MADD: variants seen among roughly 807,000 people sequenced by gnomAD.
MADD encodes MAP kinase activating death domain.
Under a neutral mutation model 176.7 loss-of-function variants are expected in MADD, and 109 were observed. The observed-to-expected ratio is 0.62, with a 90% confidence interval of 0.53 to 0.72. The LOEUF (loss-of-function observed/expected upper bound fraction) is 0.72. Ranked by LOEUF, MADD falls within the 30% of genes least tolerant of loss-of-function variation. MADD has a pLI of 0.00. For missense variants in MADD, 1,914 were observed against 2,045.5 expected (o/e 0.94, Z 1.24); for synonymous variants, 771 against 771.3 (o/e 1.00, Z 0.01).
At chr11:47,282,436 C>T (rs1303989264) in exon 9 of MADD, 1 of 1,614,204 alleles carries the variant, frequency 6.2e-7, no homozygotes, top group Non-Finnish European at 8.5e-7. Context: ...ATTTCAGATG[C>T]ACACGCGTAC....
intron 20 of MADD, among the ~76,000 whole-genome samples, chr11:47,294,413 C>T (rs1160210410): frequency 6.6e-6 from 1 of 150,818 alleles, no homozygotes; most frequent in Non-Finnish European, 1.5e-5. Context: ...CCTGTAATCA[C>T]AGGACTTTGG....
exon 13 of MADD, chr11:47,285,021 T>C (rs577791016): frequency 6.2e-7 from 1 of 1,614,116 alleles, no homozygotes; most frequent in South Asian, 1.1e-5. Flanking sequence ...CTCCCAGCAT[T>C]GGCAAATCGA....
chr11:47,298,218 T>C (rs1044575538), intron 22 of MADD, among the ~76,000 whole-genome samples: 9 of 152,210 alleles, frequency 5.9e-5, no homozygotes, highest in Non-Finnish European at 1.3e-4. Flanking sequence ...AAGGATGACA[T>C]TTGTGGTGGA....
In MADD at chr11:47,275,884, C is replaced by T; in HGVS notation, c.660-15C>T. ...CTGATGCTAATGTGTCTGATTCCTG[C>T]TGTCTGCTTCTCAGGGACACCATGT... On this transcript the variant is annotated splice_polypyrimidine_tract_variant and intron_variant, in intron 3 of 32. Transcript: ENST00000402192. 6.3e-7 allele frequency: 1 copy of T among 1,594,604 alleles called. No individual in the cohort carries two copies. The highest frequency in any genetic ancestry group is 8.6e-7 in the Non-Finnish European group (1 of 1,166,116).
At chr11:47,328,210 A>C in intron 31 of MADD, 1 of 1,068,400 alleles carries the variant, frequency 9.4e-7, no homozygotes, top group Non-Finnish European at 1.1e-6. Flanking sequence ...ACATGACCCA[A>C]TTTTCAGGCT....
exon 27 of MADD, chr11:47,315,322 A>T: frequency 1.2e-6 from 2 of 1,608,792 alleles, no homozygotes; most frequent in South Asian, 2.2e-5. Context: ...TATCTTTTTC[A>T]TGGAGGTAGG....
exon 18 of MADD, chr11:47,290,159 G>A (rs746871662): frequency 1.1e-5 from 17 of 1,613,998 alleles, no homozygotes; most frequent in East Asian, 8.9e-5. Context: ...GAGATCAGTC[G>A]GAAGGTGTAC....
At chr11:47,326,479 C>T (rs1385875602) in intron 30 of MADD, 65 bp from the exon 34 acceptor site, 9 of 1,276,728 alleles carry the variant, frequency 7.0e-6, no homozygotes, top group East Asian at 3.1e-5. Flanking sequence ...GCAGGGCCTT[C>T]GGGTTGGGTT....
At chr11:47,311,941 T>A in intron 26 of MADD, 99 bp downstream of exon 29, 1 of 684,186 alleles carries the variant, frequency 1.5e-6, no homozygotes, top group African/African-American at 1.8e-5. Flanking sequence ...ATGGAGCAGT[T>A]GTCTTTGACT....
intron 19 of MADD, among the ~76,000 whole-genome samples, chr11:47,291,207 T>G (rs890519190): frequency 6.6e-6 from 1 of 152,190 alleles, no homozygotes; most frequent in African/African-American, 2.4e-5. Flanking sequence ...CATTTGTGTC[T>G]CTGAAGCCAG....
chr11:47,278,215 C>T (rs1168628095), exon 6 of MADD: 1 of 1,614,126 alleles, frequency 6.2e-7, no homozygotes, highest in Non-Finnish European at 8.5e-7. Context: ...CCAGCTTCTT[C>T]CTCTACAAAC....
chr11:47,307,319 C>A (rs1410403111), intron 22 of MADD, among the ~76,000 whole-genome samples: 1 of 152,174 alleles, frequency 6.6e-6, no homozygotes, highest in Non-Finnish European at 1.5e-5. Flanking sequence ...GGAAGCCATT[C>A]AGCTTCAGTG....
chr11:47,290,512 C>G (rs780724400), intron 18 of MADD, 98 bp from the exon 20 acceptor site: 1 of 1,335,304 alleles, frequency 7.5e-7, no homozygotes, highest in African/African-American at 1.5e-5. Flanking sequence ...GAACTTCTTC[C>G]ATTCCGCACC....
chr11:47,283,014 C>G (rs1289941042), intron 10 of MADD, 45 bp downstream of exon 10: 1 of 1,589,080 alleles, frequency 6.3e-7, no homozygotes, highest in Non-Finnish European at 8.6e-7. Flanking sequence ...GGTGAGGAGG[C>G]TCTCACTAGC....
At chr11:47,274,495 A>T (rs2048016533) in intron 2 of MADD, 68 bp from the exon 3 acceptor site, 5 of 1,246,062 alleles carry the variant, frequency 4.0e-6, no homozygotes, top group Non-Finnish European at 5.7e-6. Context: ...TTATTTGTTG[A>T]CTGTGGTTAA....
exon 5 of MADD, chr11:47,276,854 A>T: frequency 6.2e-7 from 1 of 1,614,160 alleles, no homozygotes; most frequent in South Asian, 1.1e-5. Context: ...GCATGGCATC[A>T]GCAGAGCAGG....
At chr11:47,291,617 T>C (rs2065370710) in intron 19 of MADD, among the ~76,000 whole-genome samples, 1 of 152,200 alleles carries the variant, frequency 6.6e-6, no homozygotes, top group Admixed American at 6.5e-5. Flanking sequence ...TACACTTCCC[T>C]AGCCAGCAGA....
At chr11:47,303,578 A>G (rs1430483900) in intron 22 of MADD, among the ~76,000 whole-genome samples, 1 of 144,802 alleles carries the variant, frequency 6.9e-6, no homozygotes, top group Non-Finnish European at 1.5e-5. Context: ...GACTTTTGAC[A>G]ATTTGACTGT....
chr11:47,278,198 G>A, exon 6 of MADD: 1 of 1,614,036 alleles, frequency 6.2e-7, no homozygotes, highest in South Asian at 1.1e-5. Context: ...CATCATTGGG[G>A]TTCCTGCCAG....
Sources: gnomAD v4.1 joint callset for allele counts (sites outside exome capture counted in the v4.1 genomes callset) on GRCh38, gnomAD v4.1.1 for gene constraint, MANE v1.5 for transcripts, NCBI Gene and HGNC (gene_info 2026-07-23, HGNC 2026-07-21) for gene names.